Variants in NOTCH3 observed in about 807,000 individuals in gnomAD.
NOTCH3 encodes the protein neurogenic locus notch homolog protein 3.
A neutral mutation model predicts 213.3 loss-of-function variants in NOTCH3; 86 were observed. The ratio of observed to expected loss-of-function variants is 0.40; its 90% confidence interval spans 0.34 to 0.48. NOTCH3 has a LOEUF of 0.48. Among genes scored for constraint, NOTCH3 ranks in the 20% least tolerant of loss-of-function variants. The pLI is 0.57. For missense variants in NOTCH3, 2,783 were observed against 3,272.6 expected (o/e 0.85, Z 3.65); for synonymous variants, 1,354 against 1,355.9 (o/e 1.00, Z 0.03).
chr19:15,173,521 TG>T lies in NOTCH3; in HGVS notation c.4736+546del, dbSNP rs1185789865. The stretch of plus-strand genomic sequence containing the variant: ...GGGCTCAAGTGATCCTCCAAGTAGC[TG>T]GGACTACAAGAATATATTGTGCCCG... On this transcript the variant is annotated intron_variant, in intron 25 of 32. Transcript: ENST00000263388. 8.6e-5 allele frequency among the ~76,000 whole-genome samples: 13 copies of T among 150,730 alleles called. No homozygotes were observed. In the East Asian group the frequency reaches 2.6e-3, roughly 30 times the overall value.
At chr19:15,173,366 A>G (rs999106486) in intron 25 of NOTCH3, among the ~76,000 whole-genome samples, 12 of 146,960 alleles carry the variant, frequency 8.2e-5, no homozygotes, top group African/African-American at 3.0e-4. Context: ...AGCTTGCAGA[A>G]AGCCGAGATC....
chr19:15,170,866 G>A, intron 25 of NOTCH3, 41 bp from the exon 26 acceptor site: 1 of 1,606,002 alleles, frequency 6.2e-7, no homozygotes, highest in South Asian at 1.1e-5. Flanking sequence ...CTCAAAAATT[G>A]CCCGATGCAC....
chr19:15,162,898 T>C (rs2046658024), intron 31 of NOTCH3, among the ~76,000 whole-genome samples: 1 of 152,026 alleles, frequency 6.6e-6, no homozygotes, highest in Non-Finnish European at 1.5e-5. Context: ...CATGTGGTTT[T>C]TATTTATCCA....
Position 15,191,465 on chromosome 19 carries a change from C to G in NOTCH3, c.995G>C (p.Arg332Pro). ...GCAGGCACAGTAGAAAGAAGCCACG[C>G]GGTCATGGCAGGTGGCCCCATGGAA... ...VCFHGATCHD[R>P]VASFYCACPM... is the part of the protein sequence containing the mutation. The change falls in exon 6 of 33, where the codon CGC (arginine) becomes CCC (proline). Residue 332 changes from arginine (R) to proline (P), a missense_variant. Coordinates refer to ENST00000263388, the MANE Select transcript of NOTCH3 (RefSeq NM_000435.3). 1 of 1,613,506 alleles carries G rather than the reference C, an allele frequency of 6.2e-7. No homozygotes were observed. The highest frequency in any genetic ancestry group is 8.5e-7 in the Non-Finnish European group (1 of 1,180,038).
At chr19:15,192,880 A>T (rs1421118112) in intron 2 of NOTCH3, among the ~76,000 whole-genome samples, 1 of 152,154 alleles carries the variant, frequency 6.6e-6, no homozygotes. Flanking sequence ...GCGCCACTGC[A>T]CTGCAGCCTG....
intron 2 of NOTCH3, 29 bp downstream of exon 2, chr19:15,197,471 C>G: frequency 6.5e-7 from 1 of 1,546,586 alleles, no homozygotes; most frequent in Non-Finnish European, 8.9e-7. Flanking sequence ...CACACAGGGC[C>G]CACTGGTGGC....
intron 2 of NOTCH3, among the ~76,000 whole-genome samples, chr19:15,196,647 TCTC>T (rs1364215270): frequency 6.6e-6 from 1 of 152,138 alleles, no homozygotes; most frequent in African/African-American, 2.4e-5. Flanking sequence ...TTGAGAGACT[TCTC>T]CTTAGAGCAC....
chr19:15,167,222 C>A (rs1431414083), intron 29 of NOTCH3, 27 bp downstream of exon 29: 6 of 1,605,614 alleles, frequency 3.7e-6, no homozygotes, highest in South Asian at 2.2e-5. Context: ...TGAGGGGCAT[C>A]CCTTTGGGAG....
chr19:15,170,003 G>A (rs143236376), intron 28 of NOTCH3, 83 bp downstream of exon 28: 71 of 756,162 alleles, frequency 9.4e-5, no homozygotes, highest in African/African-American at 6.9e-4. Flanking sequence ...CCCTGATCAC[G>A]CCCATCATCC....
intron 2 of NOTCH3, 59 bp downstream of exon 2, chr19:15,197,441 G>GGGGGGCCCCCCCCCCC: frequency 3.9e-6 from 3 of 768,364 alleles, no homozygotes; most frequent in African/African-American, 1.7e-5. Flanking sequence ...AAGACAAATC[G>GGGGGGCCCCCCCCCCC]CCCCTCCCCC....
intron 16 of NOTCH3, 60 bp downstream of exon 16, chr19:15,184,235 G>C (rs1415019801): frequency 5.9e-6 from 9 of 1,528,486 alleles, no homozygotes; most frequent in Non-Finnish European, 8.2e-6. Flanking sequence ...CAGGCACACA[G>C]TTCAAGCTTA....
rs2046832830 is a variant in NOTCH3, at chr19:15,180,744, C to T, written c.3079G>A (p.Gly1027Arg). 6.3e-7 allele frequency: 1 copy of T among 1,589,108 alleles called. No individual in the cohort carries two copies. Among genetic ancestry groups the T allele is most frequent in the Non-Finnish European group, 8.6e-7 (1 of 1,168,604 alleles). The change falls in exon 19 of 33, where the codon GGA (glycine) becomes AGA (arginine). Residue 1027 changes from glycine (G) to arginine (R), a missense_variant. Physicochemically the swap from Gly to Arg is moderately radical, Grantham distance 125. This residue lies in a region of NOTCH3 where 861 missense variants were observed against 909.1 expected (regional missense o/e 0.95). Coordinates refer to ENST00000263388, the MANE Select transcript of NOTCH3 (RefSeq NM_000435.3). ...QTGAYCLCPP[G>R]WSGRLCDIRS... ...ATGTCACAGAGGCGTCCGCTCCATC[C>T]AGGGGGACAAAGGCAATAGGCCCCA... is the stretch of plus-strand genomic sequence containing the variant.
intron 2 of NOTCH3, among the ~76,000 whole-genome samples, chr19:15,195,391 G>A (rs1226944470): frequency 6.6e-6 from 1 of 152,016 alleles, no homozygotes; most frequent in African/African-American, 2.4e-5. Flanking sequence ...GCACTAGCGG[G>A]GTCAGAGGGA....
At chr19:15,197,441 G>GCGGCGCCCCCCCCCCC in intron 2 of NOTCH3, 59 bp downstream of exon 2, 1 of 768,364 alleles carries the variant, frequency 1.3e-6, no homozygotes. Flanking sequence ...AAGACAAATC[G>GCGGCGCCCCCCCCCCC]CCCCTCCCCC....
At chr19:15,173,110 T>C (rs145086114) in intron 25 of NOTCH3, among the ~76,000 whole-genome samples, 18,182 of 22,380 alleles carry the variant, frequency 0.81, 7,974 homozygotes, top group Middle Eastern at 0.89. Flanking sequence ...TCTTCTTTTT[T>C]TTTTTTTTTT....
rs1438315884 is a variant in NOTCH3 at position 15,170,781 on chromosome 19, G to C, written c.4781C>G (p.Ser1594Trp). The C allele has an allele frequency of 6.2e-7, 1 of 1,613,274 alleles. No individual in the cohort carries two copies. The highest frequency in any genetic ancestry group is 8.5e-7 in the Non-Finnish European group (1 of 1,179,866). ...LEIDNRLCLQ[S>W]PENDHCFPDA... is the part of the protein sequence containing the mutation. ...GGGGAAGCAGTGATCATTCTCAGGC[G>C]ACTGCAGGCAGAGCCGGTTGTCAAT... The change falls in exon 26 of 33, where the codon TCG becomes TGG. Residue 1594 changes from serine to tryptophan, a missense_variant. Transcript: ENST00000263388.
In NOTCH3 at chr19:15,185,513, G is replaced by C; in HGVS notation, c.2118C>G (p.His706Gln). The C allele has an allele frequency of 6.2e-7, 1 of 1,613,398 alleles. No individual in the cohort carries two copies. The highest frequency in any genetic ancestry group is 8.5e-7 in the Non-Finnish European group (1 of 1,179,858). Reference sequence around the variant, plus strand: ...CGCCAGGTGCATCATAGCAGATGCCGTGACTGCAGGGCTCATGGGCACAGG... The same window carrying C: ...CGCCAGGTGCATCATAGCAGATGCCCTGACTGCAGGGCTCATGGGCACAGG... ...SHPCAHEPCS[H>Q]GICYDAPGGF... The change falls in exon 13 of 33, where the codon CAC becomes CAG. Residue 706 changes from histidine (H) to glutamine (Q), a missense_variant. This residue lies in a region of NOTCH3 where 861 missense variants were observed against 909.1 expected (regional missense o/e 0.95). Transcript: ENST00000263388. The surrounding 1 kb of genome is among the most constrained non-coding windows in gnomAD (Gnocchi z 4.2).
chr19:15,165,394 G>A lies in NOTCH3; in HGVS notation c.5789C>T (p.Ala1930Val), dbSNP rs886054253. 1.9e-6 allele frequency: 3 copies of A among 1,608,900 alleles called. No homozygotes were observed. The highest frequency in any genetic ancestry group is 1.7e-6 in the Non-Finnish European group (2 of 1,180,018). Residue 1930 changes from alanine to valine, a missense_variant, in exon 31 of 33, where the codon GCT becomes GTT. Transcript: ENST00000263388. This position sits in a 1 kb window ranked among gnomAD's most constrained non-coding sequence, Gnocchi z 4.7. Reference sequence around the variant, plus strand: ...AAGCTCATCCACAGCATTGACATCAGCATGGCTGGCGATGAGCTCTTCCAC... The same window carrying A: ...AAGCTCATCCACAGCATTGACATCAACATGGCTGGCGATGAGCTCTTCCAC... ...GMVEELIASHADVNAVDELGK... is the reference protein window; with the variant it reads ...GMVEELIASHVDVNAVDELGK...
In NOTCH3 at chr19:15,187,203, C is replaced by T; in HGVS notation, c.1742G>A (p.Ser581Asn). Residue 581 changes from serine to asparagine, a missense_variant, in exon 11 of 33, where the codon AGC becomes AAC. This residue lies in a region of NOTCH3 where 708 missense variants were observed against 906.6 expected (regional missense o/e 0.78). Coordinates refer to ENST00000263388, the MANE Select transcript of NOTCH3 (RefSeq NM_000435.3). Reference sequence around the variant, plus strand: ...CTGGCTGCGGCATTCGTCCACCTGGCTCTCGCAGCGTGTGCCCGTGTAGCC... The same window carrying T: ...CTGGCTGCGGCATTCGTCCACCTGGTTCTCGCAGCGTGTGCCCGTGTAGCC... Reference protein sequence around the residue: ...APGYTGTRCESQVDECRSQPC... With the variant: ...APGYTGTRCENQVDECRSQPC... 1.2e-6 allele frequency: 2 copies of T among 1,614,106 alleles called. No individual in the cohort carries two copies. Among genetic ancestry groups the T allele is most frequent in the East Asian group, 2.2e-5 (1 of 44,880 alleles).
Sources: allele counts gnomAD v4.1 joint callset (sites outside exome capture counted in the v4.1 genomes callset), GRCh38; gene constraint gnomAD v4.1.1; regional missense constraint gnomAD v4.1.1; non-coding constraint Gnocchi (gnomAD v3.1); transcripts MANE v1.5; gene names NCBI Gene and HGNC (gene_info 2026-07-23, HGNC 2026-07-21).